GGA2: variants seen among roughly 807,000 people sequenced by gnomAD.
GGA2 encodes golgi associated, gamma adaptin ear containing, ARF binding protein 2.
A neutral mutation model predicts 79.5 loss-of-function variants in GGA2; 48 were observed. The ratio of observed to expected loss-of-function variants is 0.60; its 90% CI spans 0.48 to 0.77. GGA2 has a LOEUF of 0.77. Ranked by LOEUF, GGA2 falls within the 30% of genes least tolerant of loss-of-function variation. GGA2 has a pLI of 0.00. For missense variants in GGA2, 770 were observed against 774.0 expected, an observed-to-expected ratio of 0.99 and a Z score of 0.06; for synonymous variants, 317 against 302.0, an observed-to-expected ratio of 1.05 and a Z score of -0.51.
chr16:23,484,225 T>C (rs990174480), intron 8 of GGA2, among the ~76,000 whole-genome samples: 2 of 149,540 alleles, frequency 1.3e-5, no homozygotes, highest in South Asian at 2.1e-4. Context: ...CTAACCAACA[T>C]AGAGAAACCC....
chr16:23,471,578 A>C (rs1309285221), intron 14 of GGA2, among the ~76,000 whole-genome samples: 4 of 152,098 alleles, frequency 2.6e-5, no homozygotes, highest in Non-Finnish European at 5.9e-5. Flanking sequence ...TAAAAAAAAA[A>C]CCTTAATATC....
At chr16:23,499,867 G>A (rs1001005185) in intron 1 of GGA2, among the ~76,000 whole-genome samples, 1 of 152,208 alleles carries the variant, frequency 6.6e-6, no homozygotes, top group African/African-American at 2.4e-5. Context: ...GAAAGGTAGG[G>A]GTGGGGCCGC....
upstream of GGA2, among the ~76,000 whole-genome samples, chr16:23,512,177 C>T (rs892852881): frequency 2.6e-5 from 4 of 152,282 alleles, no homozygotes; most frequent in Admixed American, 1.3e-4. Flanking sequence ...AGGGGACTTA[C>T]GGGGTGGTCT....
chr16:23,491,782 T>G lies in GGA2; in HGVS notation c.370A>C (p.Thr124Pro). 6.2e-7 allele frequency: 1 copy of G among 1,611,170 alleles called. No homozygotes were observed. Among genetic ancestry groups the G allele is most frequent in the Non-Finnish European group, 8.5e-7 (1 of 1,177,376 alleles). The stretch of plus-strand genomic sequence containing the variant: ...ATGACTCTTCCTTTAACTTTTCCTG[T>G]GGCCCAGGACCCCAGGTACTGAAAG... ...LSPKYLGSWATGKVKGRVIEI... is the reference protein window; with the variant it reads ...LSPKYLGSWAPGKVKGRVIEI... Residue 124 changes from threonine (T) to proline (P), a missense_variant, in exon 5 of 17, where the codon ACA (threonine) becomes CCA (proline). Coordinates refer to ENST00000309859, the MANE Select transcript of GGA2 (RefSeq NM_015044.4).
chr16:23,470,090 G>C lies in GGA2; in HGVS notation c.1526C>G (p.Pro509Arg). ...ILLHFSQTGA[P>R]GHPEVQVLLL... is the part of the protein sequence containing the mutation. ...CAGCACCTGTACCTCTGGGTGCCCA[G>C]GGGCTCCCGTCTGGGAGAAGTGGAG... Residue 509 changes from proline to arginine, a missense_variant, in exon 15 of 17, where the codon CCT becomes CGT. Coordinates refer to ENST00000309859, the MANE Select transcript of GGA2 (RefSeq NM_015044.4). The C allele has an allele frequency of 6.2e-7, 1 of 1,609,714 alleles. No homozygotes were observed. Among genetic ancestry groups the C allele is most frequent in the Non-Finnish European group, 8.5e-7 (1 of 1,177,880 alleles).
chr16:23,505,372 G>A (rs1964963304), intron 1 of GGA2, among the ~76,000 whole-genome samples: 1 of 152,128 alleles, frequency 6.6e-6, no homozygotes, highest in African/African-American at 2.4e-5. Flanking sequence ...CAACACCTAA[G>A]ATGTCTACCA....
In GGA2 at chr16:23,465,120, G is replaced by A. The variant is rs1344034925; in HGVS notation, c.*2470C>T. 6.9e-6 allele frequency: 4 copies of A among 583,048 alleles called. No homozygotes were observed. The highest frequency in any genetic ancestry group is 1.2e-5 in the Non-Finnish European group (4 of 327,732). The allele number at this position is 583,048 out of a possible 1,614,324, so 36.1% of individuals were successfully genotyped here. On this transcript the variant is annotated 3_prime_UTR_variant, in exon 17 of 17. Transcript: ENST00000309859. ...CCAGAGGAAAAGAAGCTCCTTCAGG[G>A]TGGTGCCTGGCTCAGGGTAGCTGGT...
In GGA2 at chr16:23,516,801, T is replaced by TC. The variant is rs975580716; in HGVS notation, c.61+2785_61+2786insG. On this transcript the variant is annotated intron_variant, in intron 2 of 5. Coordinates refer to the GGA2 transcript ENST00000569300. ...CTTCCCCAGCAGGGATGGCTAAAAA[T>TC]TTGGAAGTTGAGTAGAGGGAGGGTA... Among the ~76,000 whole-genome samples, 1,418 of 152,202 alleles carry TC rather than the reference T, an allele frequency of 9.3e-3. 23 individuals carry two copies. The highest frequency in any genetic ancestry group is 0.033 in the African/African-American group (1,362 of 41,520).
intron 1 of GGA2, among the ~76,000 whole-genome samples, chr16:23,520,590 G>A (rs73546525): frequency 0.01 from 1,575 of 151,226 alleles, 23 homozygotes; most frequent in African/African-American, 0.037. Context: ...CCAGGAGTTA[G>A]AGCTACAGTG....
chr16:23,512,700 CTTTTTTTTTTTTT>C (rs34027000), upstream of GGA2, among the ~76,000 whole-genome samples: 10 of 55,934 alleles, frequency 1.8e-4, no homozygotes, highest in African/African-American at 3.9e-4. Context: ...TAAAGAAAAT[CTTTTTTTTTTTTT>C]TTTTTTTTTT....
chr16:23,504,704 G>C (rs1029872160), intron 1 of GGA2, among the ~76,000 whole-genome samples: 2 of 152,180 alleles, frequency 1.3e-5, no homozygotes, highest in African/African-American at 4.8e-5. Context: ...GACAGGGCAC[G>C]GCCAGGGAGA....
chr16:23,463,656 C>T lies in GGA2; in HGVS notation c.*3934G>A, dbSNP rs1423902605. 2.0e-5 allele frequency: 3 copies of T among 152,196 alleles called. No homozygotes were observed. Among genetic ancestry groups the T allele is most frequent in the East Asian group, 3.9e-4 (2 of 5,192 alleles). The allele number at this position is 152,196 out of a possible 1,614,324, so 9.4% of individuals were successfully genotyped here. On this transcript the variant is annotated 3_prime_UTR_variant, in exon 17 of 17. Transcript: ENST00000309859. Reference sequence around the variant, plus strand: ...TACCACTGTCAGATGTGCACACAAACATCTTGGTGCATCGCTTGGCTTTAA... The same window carrying T: ...TACCACTGTCAGATGTGCACACAAATATCTTGGTGCATCGCTTGGCTTTAA...
chr16:23,495,612 T>TA, intron 2 of GGA2, 82 bp downstream of exon 2: 1 of 775,502 alleles, frequency 1.3e-6, no homozygotes, highest in Non-Finnish European at 2.1e-6. Context: ...AGCTTAACCC[T>TA]AAAACAGTCT....
intron 6 of GGA2, among the ~76,000 whole-genome samples, chr16:23,487,748 C>A (rs1455650449): frequency 6.6e-6 from 1 of 152,062 alleles, no homozygotes; most frequent in Non-Finnish European, 1.5e-5. Flanking sequence ...AGAAAGGTGG[C>A]CTGGAACCTA....
intron 14 of GGA2, among the ~76,000 whole-genome samples, chr16:23,471,292 A>G (rs1291782870): frequency 2.0e-5 from 3 of 152,200 alleles, no homozygotes; most frequent in Admixed American, 2.0e-4. Context: ...CCTCAAATTA[A>G]TAAGTTTAAT....
chr16:23,511,989 T>G (rs1205307667), upstream of GGA2, among the ~76,000 whole-genome samples: 2 of 109,614 alleles, frequency 1.8e-5, no homozygotes, highest in Non-Finnish European at 4.0e-5. Context: ...CTTAACAGAG[T>G]TATGAGACTT....
chr16:23,500,437 G>A (rs1202732466), intron 1 of GGA2, among the ~76,000 whole-genome samples: 2 of 152,250 alleles, frequency 1.3e-5, no homozygotes, highest in Non-Finnish European at 1.5e-5. Flanking sequence ...TCTATGAGGC[G>A]GTGGCAAGCA....
intron 8 of GGA2, 72 bp from the exon 9 acceptor site, chr16:23,483,076 G>T: frequency 1.1e-6 from 1 of 943,116 alleles, no homozygotes; most frequent in Admixed American, 1.8e-5. Flanking sequence ...GGCCCCAGGA[G>T]CCTTCGATCA....
rs1340249865 is a variant in GGA2 at position 23,480,649 on chromosome 16, G to A, written c.1002C>T (p.Ser334=). 1 of 1,611,966 alleles carries A rather than the reference G, an allele frequency of 6.2e-7. No individual in the cohort carries two copies. Among genetic ancestry groups the A allele is most frequent in the Admixed American group, 1.7e-5 (1 of 59,982 alleles). Residue 334 remains serine, a synonymous_variant, in exon 10 of 17, where the codon TCC becomes TCT. Coordinates refer to ENST00000309859, the MANE Select transcript of GGA2 (RefSeq NM_015044.4). ...VTSSLGDIPV[S]RVFQNPAGCM... The stretch of plus-strand genomic sequence containing the variant: ...AGGAGAAGCTTTCAAACATACCTCT[G>A]GAGACAGGGATGTCTCCCAATGAGC...
Sources: allele counts gnomAD v4.1 joint callset (sites outside exome capture counted in the v4.1 genomes callset), GRCh38; gene constraint gnomAD v4.1.1; transcripts MANE v1.5; gene names NCBI Gene and HGNC (gene_info 2026-07-23, HGNC 2026-07-21).